The following SYNE2 variants were observed in gnomAD, a reference collection of about 807,000 sequenced individuals.
SYNE2 encodes spectrin repeat containing nuclear envelope protein 2, also known as nesprin-2.
Under a neutral mutation model 856.3 loss-of-function variants are expected in SYNE2, and 431 were observed. The observed-to-expected ratio is 0.50, with a 90% CI of 0.47 to 0.55. The LOEUF (loss-of-function observed/expected upper bound fraction) is 0.55. Ranked by LOEUF, SYNE2 falls within the 20% of genes least tolerant of loss-of-function variation. The pLI is 0.00. For missense variants in SYNE2, 8,129 were observed against 8,023.2 expected, an observed-to-expected ratio of 1.01 and a Z score of -0.50; for synonymous variants, 2,923 against 2,872.3, an observed-to-expected ratio of 1.02 and a Z score of -0.56.
At chr14:64,223,542 A>T (rs1436112324) in intron 113 of SYNE2, among the ~76,000 whole-genome samples, 162 bp downstream of exon 113, 1 of 152,176 alleles carries the variant, frequency 6.6e-6, no homozygotes, top group Non-Finnish European at 1.5e-5. Flanking sequence ...GGACTTAAAG[A>T]GCTGCATGAG....
At chr14:63,945,317 C>G (rs1417181788) in intron 6 of SYNE2, among the ~76,000 whole-genome samples, 2 of 152,044 alleles carry the variant, frequency 1.3e-5, no homozygotes, top group East Asian at 3.9e-4. Context: ...CAATCACTGC[C>G]CTCCTTTCCT....
At chr14:63,872,419 C>T (rs755953946) in intron 1 of SYNE2, among the ~76,000 whole-genome samples, 1 of 137,232 alleles carries the variant, frequency 7.3e-6, no homozygotes, top group Non-Finnish European at 1.6e-5. Flanking sequence ...GGTGACAAAG[C>T]GAGACACCAT....
intron 1 of SYNE2, among the ~76,000 whole-genome samples, chr14:63,832,504 AT>A (rs1339516048): frequency 6.6e-6 from 1 of 151,948 alleles, no homozygotes; most frequent in Non-Finnish European, 1.5e-5. Flanking sequence ...TCTCTTCTGA[AT>A]TTGAAAATCA....
intron 1 of SYNE2, among the ~76,000 whole-genome samples, chr14:63,821,639 G>C (rs1386848685): frequency 1.3e-5 from 2 of 151,602 alleles, no homozygotes; most frequent in African/African-American, 4.8e-5. Flanking sequence ...CTGTAGTCCA[G>C]CTACTTGGGA....
chr14:64,215,901 G>A, intron 107 of SYNE2: 1 of 1,265,266 alleles, frequency 7.9e-7, no homozygotes, highest in Non-Finnish European at 1.0e-6. Flanking sequence ...CCATCTTGAT[G>A]TTCACTCTTC....
chr14:63,926,926 A>G (rs1021080495), intron 2 of SYNE2, among the ~76,000 whole-genome samples: 2 of 152,232 alleles, frequency 1.3e-5, no homozygotes, highest in Admixed American at 6.5e-5. Flanking sequence ...AGACCTAAGC[A>G]TGACTAGAAG....
Position 63,807,053 on chromosome 14 carries a change from G to A in SYNE2, c.-305+45067G>A, listed in dbSNP as rs543130873. On this transcript the variant is annotated intron_variant, in intron 1 of 23. Transcript: ENST00000674003. ...TTAATGTAACTCTGGGCCAGGCACA[G>A]TGGCTCATGCCTGTAATCCCACCAC... 2.4e-4 allele frequency among the ~76,000 whole-genome samples: 36 copies of A among 152,198 alleles called. No homozygotes were observed. The South Asian group carries it at 7.5e-3, about 32-fold the overall frequency.
At chr14:64,072,228 A>G (rs1180847537) in intron 52 of SYNE2, among the ~76,000 whole-genome samples, 3 of 152,248 alleles carry the variant, frequency 2.0e-5, no homozygotes, top group East Asian at 1.9e-4. Flanking sequence ...GTCAAAGAAT[A>G]TAGTAGTTTT....
At chr14:63,897,399 T>C (rs2095270269) in intron 1 of SYNE2, among the ~76,000 whole-genome samples, 1 of 152,254 alleles carries the variant, frequency 6.6e-6, no homozygotes, top group Non-Finnish European at 1.5e-5. Context: ...ATTTTAGCTG[T>C]GAATAGTCTT....
At chr14:63,912,311 A>G (rs2153358131) in intron 2 of SYNE2, among the ~76,000 whole-genome samples, 1 of 152,204 alleles carries the variant, frequency 6.6e-6, no homozygotes, top group African/African-American at 2.4e-5. Context: ...TTCTAAAGGC[A>G]CCTTTGCTTT....
Position 64,208,785 on chromosome 14 carries a change from A to T in SYNE2, c.18229A>T (p.Ser6077Cys). Reference protein sequence around the residue: ...QDLQRDIEQHSAGVESVFNIC... With the variant: ...QDLQRDIEQHCAGVESVFNIC... The stretch of plus-strand genomic sequence containing the variant: ...TCTACAGCGAGATATTGAACAACAC[A>T]GCGCAGGGGTGGAGTCCGTGTTTAA... Residue 6077 changes from serine (S) to cysteine (C), a missense_variant, in exon 101 of 116, where the codon AGC becomes TGC. By Grantham distance (112) the Ser-to-Cys change is moderately radical (BLOSUM62 -1). Transcript: ENST00000555002. 1 of 1,614,218 alleles carries T rather than the reference A, an allele frequency of 6.2e-7. No homozygotes were observed. The highest frequency in any genetic ancestry group is 8.5e-7 in the Non-Finnish European group (1 of 1,180,042).
intron 2 of SYNE2, among the ~76,000 whole-genome samples, chr14:63,934,483 C>G (rs1351399948): frequency 1.3e-5 from 2 of 151,674 alleles, no homozygotes; most frequent in East Asian, 3.9e-4. Flanking sequence ...TAGGAAAGCT[C>G]ATAGTCACAG....
At chr14:63,968,301 T>G (rs1397440067) in intron 11 of SYNE2, among the ~76,000 whole-genome samples, 1 of 152,244 alleles carries the variant, frequency 6.6e-6, no homozygotes, top group Non-Finnish European at 1.5e-5. Context: ...ATTTTCTCCA[T>G]GGCATCATTT....
At chr14:63,818,032 A>AAAC (rs1555341596) in intron 1 of SYNE2, among the ~76,000 whole-genome samples, 1 of 147,742 alleles carries the variant, frequency 6.8e-6, no homozygotes, top group Non-Finnish European at 1.5e-5. Flanking sequence ...CTCAAAAAAA[A>AAAC]AAAAAAAAAA....
rs1431645560 is a variant in SYNE2 at position 64,219,272 on chromosome 14, A to G, written c.19722A>G (p.Gln6574=). Residue 6574 remains glutamine (Q), a synonymous_variant, in exon 110 of 116, where the codon CAA becomes CAG. Transcript: ENST00000555002. ...TTCACAATAAGCTCAAAATAAAACA[A>G]AATTTGCAACAGCTGAACTCTGATA... ...QELHNKLKIK[Q]NLQQLNSDIS... 6.2e-7 allele frequency: 1 copy of G among 1,614,066 alleles called. No homozygotes were observed. The highest frequency in any genetic ancestry group is 8.5e-7 in the Non-Finnish European group (1 of 1,180,012).
intron 1 of SYNE2, among the ~76,000 whole-genome samples, chr14:63,822,231 CA>C (rs796238458): frequency 1.7e-4 from 25 of 147,608 alleles, no homozygotes; most frequent in African/African-American, 3.8e-4. Flanking sequence ...AAAAAACAAA[CA>C]AAAAAAAAAA....
At chr14:64,086,572 T>C (rs2097562981) in intron 57 of SYNE2, among the ~76,000 whole-genome samples, 1 of 152,180 alleles carries the variant, frequency 6.6e-6, no homozygotes, top group African/African-American at 2.4e-5. Flanking sequence ...ATTAGATTTG[T>C]AGATCAATTT....
At position 63,919,636 on chromosome 14, in the gene SYNE2, A is replaced by G. The variant is rs567921241; in HGVS notation, c.79+10409A>G. ...GGAGGAACAAGGAAAGGACACTGAG[A>G]AGGAGTAGCCAGTGACAAGGAAGGA... is the stretch of plus-strand genomic sequence containing the variant. On this transcript the variant is annotated intron_variant, in intron 2 of 115. Transcript: ENST00000555002. Among the ~76,000 whole-genome samples, 10 of 152,280 alleles carry G rather than the reference A, an allele frequency of 6.6e-5. 1 individual carries two copies. In the South Asian group the frequency reaches 2.1e-3, roughly 32 times the overall value.
At chr14:64,121,986 AC>A in intron 68 of SYNE2, 25 bp from the exon 69 acceptor site, 1 of 1,612,632 alleles carries the variant, frequency 6.2e-7, no homozygotes, top group Middle Eastern at 1.7e-4. Flanking sequence ...GATGGATTGG[AC>A]CATTTGAATC....
Sources: gnomAD v4.1 joint callset for allele counts (sites outside exome capture counted in the v4.1 genomes callset) on GRCh38, gnomAD v4.1.1 for gene constraint, MANE v1.5 for transcripts, NCBI Gene and HGNC (gene_info 2026-07-23, HGNC 2026-07-21) for gene names.